The following CHAT variants were observed in gnomAD, a reference collection of about 807,000 sequenced individuals.
CHAT encodes acetyl CoA:choline O-acetyltransferase.
A neutral mutation model predicts 76.9 loss-of-function variants in CHAT; 61 were observed. That is an observed-to-expected ratio of 0.79 (90% CI 0.65 to 0.98). The LOEUF is 0.98. Ranked by LOEUF, CHAT falls within the 50% of genes least tolerant of loss-of-function variation. CHAT has a pLI of 0.00. For synonymous variants in CHAT, 407 were observed against 397.4 expected (o/e 1.02, Z -0.29); for missense variants, 946 against 986.9 (o/e 0.96, Z 0.56).
rs982329543 is a variant in CHAT, at chr10:49,667,244, G to C, written c.*2198G>C. ...AGAACTAAGTCTCTCCTAGTCTATG[G>C]CATGCTATCATGGGGTCAAGTAGGG... On this transcript the variant is annotated 3_prime_UTR_variant, in exon 15 of 15. Coordinates refer to ENST00000337653, the MANE Select transcript of CHAT (RefSeq NM_020549.5). Among the ~76,000 whole-genome samples the C allele has an allele frequency of 6.6e-6, 1 of 152,320 alleles. No homozygotes were observed. The highest frequency in any genetic ancestry group is 1.5e-5 in the Non-Finnish European group (1 of 68,022).
At chr10:49,625,766 A>AAG in intron 6 of CHAT, 113 bp downstream of exon 6, 1 of 1,150,496 alleles carries the variant, frequency 8.7e-7, no homozygotes, top group Non-Finnish European at 1.3e-6. Flanking sequence ...TCACACAGGG[A>AAG]GCTGGGGCAC....
chr10:49,657,988 T>C (rs901614432), intron 13 of CHAT, among the ~76,000 whole-genome samples: 4 of 152,238 alleles, frequency 2.6e-5, no homozygotes, highest in South Asian at 2.1e-4. Flanking sequence ...GCTTTATTCT[T>C]AAATACAAAT....
intron 5 of CHAT, among the ~76,000 whole-genome samples, chr10:49,623,011 T>C (rs758798937): frequency 1.5e-3 from 226 of 152,256 alleles, no homozygotes; most frequent in Non-Finnish European, 2.7e-3. Context: ...GCTCCCAGAC[T>C]GTCAGGGTGG....
intron 13 of CHAT, among the ~76,000 whole-genome samples, chr10:49,658,835 AC>A (rs1296528053): frequency 6.6e-6 from 1 of 152,254 alleles, no homozygotes; most frequent in African/African-American, 2.4e-5. Flanking sequence ...ATGATAGGAA[AC>A]TAAAAACATT....
rs1394460049 is a variant in CHAT at position 49,662,768 on chromosome 10, C to G, written c.1963C>G (p.Leu655Val). The stretch of plus-strand genomic sequence containing the variant: ...CTACCTGATGAGCAACCGGTTTGTC[C>G]TCTCCACTAGCCAGGTACGGCCCCG... ...ETYLMSNRFV[L>V]STSQVPTTTE... The change falls in exon 14 of 15, where the codon CTC (leucine) becomes GTC (valine). Residue 655 changes from leucine to valine, a missense_variant. This residue lies in a region of CHAT where 349 missense variants were observed against 393.9 expected (regional missense o/e 0.89). Coordinates refer to ENST00000337653, the MANE Select transcript of CHAT (RefSeq NM_020549.5). 1 of 1,614,210 alleles carries G rather than the reference C, an allele frequency of 6.2e-7. No individual in the cohort carries two copies. The highest frequency in any genetic ancestry group is 1.3e-5 in the African/African-American group (1 of 75,032).
At chr10:49,625,069 A>G (rs73319036) in intron 5 of CHAT, among the ~76,000 whole-genome samples, 13,087 of 152,240 alleles carry the variant, frequency 0.086, 1,862 homozygotes, top group African/African-American at 0.3. Flanking sequence ...AACTTCCTGC[A>G]TTGACCTCAG....
chr10:49,645,003 AAG>A (rs1839611302), intron 7 of CHAT, among the ~76,000 whole-genome samples: 1 of 152,216 alleles, frequency 6.6e-6, no homozygotes, highest in Admixed American at 6.5e-5. Flanking sequence ...AAGCAGGACA[AAG>A]AGCACATGCT....
rs1302872040 is a variant in CHAT at position 49,664,933 on chromosome 10, G to A, written c.2134G>A (p.Glu712Lys). 6.2e-7 allele frequency: 1 copy of A among 1,614,118 alleles called. No homozygotes were observed. Among genetic ancestry groups the A allele is most frequent in the African/African-American group, 1.3e-5 (1 of 74,946 alleles). The change falls in exon 15 of 15, where the codon GAA (glutamate) becomes AAA (lysine). Residue 712 changes from glutamate to lysine, a missense_variant. This residue lies in a region of CHAT where 349 missense variants were observed against 393.9 expected (regional missense o/e 0.89). Coordinates refer to ENST00000337653, the MANE Select transcript of CHAT (RefSeq NM_020549.5). Reference sequence around the variant, plus strand: ...TTCTAGCAAGTTTGCAAAAGCTGTGGAAGAAAGCCTCATTGACATGAGAGA... The same window carrying A: ...TTCTAGCAAGTTTGCAAAAGCTGTGAAAGAAAGCCTCATTGACATGAGAGA... ...TSSSKFAKAV[E>K]ESLIDMRDLC...
At chr10:49,612,187 G>A (rs1378497250), upstream of CHAT, 1 of 1,609,748 alleles carries the variant, frequency 6.2e-7, no homozygotes, top group Non-Finnish European at 8.5e-7. Context: ...TTCCGAGCGC[G>A]ATGTGCTGCT....
chr10:49,629,287 G>C (rs567661425), intron 7 of CHAT, among the ~76,000 whole-genome samples: 1 of 152,304 alleles, frequency 6.6e-6, no homozygotes, highest in East Asian at 1.9e-4. Flanking sequence ...CCAGGCCCCA[G>C]ACTTATTCCC....
upstream of CHAT, chr10:49,611,013 C>A: frequency 1.2e-6 from 2 of 1,613,748 alleles, no homozygotes; most frequent in Non-Finnish European, 8.5e-7. Context: ...CCAATGCCAG[C>A]GCCTACACGG....
Position 49,622,602 on chromosome 10 carries a change from C to T in CHAT, c.752+452C>T, listed in dbSNP as rs540989873. Reference sequence around the variant, plus strand: ...GTTCTGACAGATGGAGAGGGCTGCTCAAGCACCGCAGGCTCTCTTTGATTT... The same window carrying T: ...GTTCTGACAGATGGAGAGGGCTGCTTAAGCACCGCAGGCTCTCTTTGATTT... On this transcript the variant is annotated intron_variant, in intron 5 of 14. Transcript: ENST00000337653. Among the ~76,000 whole-genome samples the T allele has an allele frequency of 5.3e-5, 8 of 152,312 alleles. No homozygotes were observed. In the East Asian group the frequency reaches 1.5e-3, roughly 29 times the overall value.
rs1840235594 is a variant in CHAT at position 49,662,767 on chromosome 10, C to T, written c.1962C>T (p.Val654=). ...DETYLMSNRF[V]LSTSQVPTTT... ...CCTACCTGATGAGCAACCGGTTTGT[C>T]CTCTCCACTAGCCAGGTACGGCCCC... The change falls in exon 14 of 15, where the codon GTC becomes GTT. Residue 654 remains valine (V), a synonymous_variant. Transcript: ENST00000337653. 8 of 1,614,086 alleles carry T rather than the reference C, an allele frequency of 5.0e-6. No homozygotes were observed. The highest frequency in any genetic ancestry group is 1.3e-5 in the African/African-American group (1 of 74,924).
intron 2 of CHAT, among the ~76,000 whole-genome samples, chr10:49,618,648 T>C (rs544072392): frequency 1.3e-5 from 2 of 152,282 alleles, no homozygotes; most frequent in Non-Finnish European, 2.9e-5. Flanking sequence ...TCCTCATTCA[T>C]AAATGGGAAG....
intron 7 of CHAT, among the ~76,000 whole-genome samples, chr10:49,631,428 T>C (rs1839115852): frequency 6.6e-6 from 1 of 152,232 alleles, no homozygotes; most frequent in African/African-American, 2.4e-5. Flanking sequence ...AATGGCCTAG[T>C]GTAACTTAAT....
chr10:49,614,555 A>G, intron 1 of CHAT, 80 bp downstream of exon 1: 1 of 1,100,070 alleles, frequency 9.1e-7, no homozygotes, highest in Non-Finnish European at 1.3e-6. Flanking sequence ...ATCCAGGGAC[A>G]GCACCGGGGC....
chr10:49,664,102 T>C (rs1840279771), intron 14 of CHAT, among the ~76,000 whole-genome samples: 1 of 152,210 alleles, frequency 6.6e-6, no homozygotes, highest in Non-Finnish European at 1.5e-5. Context: ...ATCTGGGGTG[T>C]GGGAGTTTTG....
intron 7 of CHAT, among the ~76,000 whole-genome samples, chr10:49,639,080 C>T (rs773879072): frequency 2.0e-5 from 3 of 151,936 alleles, no homozygotes; most frequent in Admixed American, 1.3e-4. Flanking sequence ...ACTAATAATA[C>T]AAAAATTAGC....
At chr10:49,616,929 T>C (rs1282977340) in intron 2 of CHAT, among the ~76,000 whole-genome samples, 1 of 152,230 alleles carries the variant, frequency 6.6e-6, no homozygotes, top group East Asian at 1.9e-4. Context: ...CCAGTGATTT[T>C]GCCTTAGGGT....
Sources: allele counts gnomAD v4.1 joint callset (sites outside exome capture counted in the v4.1 genomes callset), GRCh38; gene constraint gnomAD v4.1.1; regional missense constraint gnomAD v4.1.1; transcripts MANE v1.5; gene names NCBI Gene and HGNC (gene_info 2026-07-23, HGNC 2026-07-21).